The following GALNTL6 variants were observed in gnomAD, a reference collection of about 807,000 sequenced individuals.
GALNTL6 encodes polypeptide N-acetylgalactosaminyltransferase like 6, also known as polypeptide N-acetylgalactosaminyltransferase-like 6.
A neutral mutation model predicts 73.7 loss-of-function variants in GALNTL6; 46 were observed. The observed-to-expected ratio is 0.62, with a 90% CI of 0.49 to 0.80. The LOEUF (loss-of-function observed/expected upper bound fraction) is 0.80. Among genes scored for constraint, GALNTL6 ranks in the 30% least tolerant of loss-of-function variants. GALNTL6 has a pLI of 0.00. For missense variants in GALNTL6, 604 were observed against 755.0 expected (o/e 0.80, Z 2.34); for synonymous variants, 259 against 263.7 (o/e 0.98, Z 0.17).
At chr4:172,073,289 A>G (rs2110906110) in intron 2 of GALNTL6, among the ~76,000 whole-genome samples, 1 of 152,330 alleles carries the variant, frequency 6.6e-6, no homozygotes, top group East Asian at 1.9e-4. Flanking sequence ...TCCCCTATGT[A>G]TAAGCTCCTT....
At chr4:172,193,809 G>T (rs1735660826) in intron 2 of GALNTL6, among the ~76,000 whole-genome samples, 1 of 152,148 alleles carries the variant, frequency 6.6e-6, no homozygotes. Context: ...CTTGCAGTGA[G>T]CTGAGATCGG....
At chr4:172,504,175 A>AAAAAAAAAAAAAAAAAC (rs1363544210) in intron 5 of GALNTL6, among the ~76,000 whole-genome samples, 28 of 39,304 alleles carry the variant, frequency 7.1e-4, no homozygotes, top group African/African-American at 2.1e-3. Context: ...AAAAAAAAAA[A>AAAAAAAAAAAAAAAAAC]AAAACTCACA....
intron 2 of GALNTL6, among the ~76,000 whole-genome samples, chr4:172,133,420 C>G (rs555027161): frequency 6.6e-6 from 1 of 152,292 alleles, no homozygotes; most frequent in African/African-American, 2.4e-5. Flanking sequence ...ATTGTTGATT[C>G]ATTTCAACAT....
intron 5 of GALNTL6, among the ~76,000 whole-genome samples, chr4:172,560,871 C>T (rs1736326571): frequency 6.6e-6 from 1 of 152,168 alleles, no homozygotes; most frequent in Non-Finnish European, 1.5e-5. Context: ...CTCATCCCTT[C>T]TGAGCCCTAA....
chr4:172,474,588 CT>C (rs1306443880), intron 5 of GALNTL6, among the ~76,000 whole-genome samples: 1 of 152,076 alleles, frequency 6.6e-6, no homozygotes, highest in Admixed American at 6.6e-5. Flanking sequence ...TAAGATGCTT[CT>C]TTTTGGTTCA....
At chr4:172,052,402 A>G (rs1730900977) in intron 2 of GALNTL6, 2 of 1,434,356 alleles carry the variant, frequency 1.4e-6, no homozygotes, top group South Asian at 2.5e-5. Flanking sequence ...TAGTAACCAC[A>G]AGCTCCAGAT....
intron 3 of GALNTL6, among the ~76,000 whole-genome samples, chr4:172,287,270 T>G (rs2111091750): frequency 6.6e-6 from 1 of 152,306 alleles, no homozygotes; most frequent in Admixed American, 6.5e-5. Flanking sequence ...TCCAACACTC[T>G]GCCTCAGCCC....
At chr4:172,849,764 A>G (rs190680271) in intron 7 of GALNTL6, among the ~76,000 whole-genome samples, 5 of 152,326 alleles carry the variant, frequency 3.3e-5, no homozygotes, top group Admixed American at 3.3e-4. Flanking sequence ...CTAGAGGTCT[A>G]TCACAGAGAG....
At chr4:172,267,500 C>A (rs10032118) in intron 3 of GALNTL6, among the ~76,000 whole-genome samples, 19,122 of 152,006 alleles carry the variant, frequency 0.13, 1,301 homozygotes, top group East Asian at 0.3. Context: ...TAAAAGTTTA[C>A]ATCTAATTTT....
intron 7 of GALNTL6, among the ~76,000 whole-genome samples, chr4:172,814,505 C>T (rs1741492295): frequency 6.6e-6 from 1 of 152,062 alleles, no homozygotes; most frequent in African/African-American, 2.4e-5. Context: ...TATATCTATT[C>T]CTTATACTGC....
intron 2 of GALNTL6, among the ~76,000 whole-genome samples, chr4:171,862,585 C>G (rs977664822): frequency 1.3e-5 from 2 of 151,948 alleles, no homozygotes; most frequent in Non-Finnish European, 2.9e-5. Context: ...GATGAATAGA[C>G]TAGACCAAGG....
chr4:172,832,677 G>A (rs1189873508), intron 7 of GALNTL6, among the ~76,000 whole-genome samples: 1 of 152,182 alleles, frequency 6.6e-6, no homozygotes, highest in African/African-American at 2.4e-5. Flanking sequence ...AGCCTGAGGA[G>A]CAAGGGGGTC....
At chr4:172,406,416 A>C (rs1289453895) in intron 5 of GALNTL6, among the ~76,000 whole-genome samples, 1 of 152,000 alleles carries the variant, frequency 6.6e-6, no homozygotes, top group African/African-American at 2.4e-5. Context: ...GCTAACTAGA[A>C]AATTTAAATA....
At chr4:172,959,302 T>C (rs1360688257) in intron 10 of GALNTL6, among the ~76,000 whole-genome samples, 1 of 151,974 alleles carries the variant, frequency 6.6e-6, no homozygotes, top group African/African-American at 2.4e-5. Context: ...AGCCCAGGAA[T>C]AGTCAGGGAA....
intron 5 of GALNTL6, among the ~76,000 whole-genome samples, chr4:172,560,808 C>T (rs960530753): frequency 6.6e-6 from 1 of 152,112 alleles, no homozygotes; most frequent in South Asian, 2.1e-4. Context: ...TAAAATATTT[C>T]ACATATAAAT....
intron 5 of GALNTL6, among the ~76,000 whole-genome samples, chr4:172,351,181 G>GTCTATCTA (rs56948823): frequency 1.1e-4 from 13 of 122,518 alleles, no homozygotes; most frequent in African/African-American, 6.2e-5. Context: ...ACAATAATCT[G>GTCTATCTA]TCTATCTATC....
intron 4 of GALNTL6, among the ~76,000 whole-genome samples, chr4:172,343,207 G>T (rs747407256): frequency 2.0e-5 from 3 of 152,148 alleles, no homozygotes; most frequent in African/African-American, 7.2e-5. Context: ...ATGATCTAAA[G>T]ATTGAAATAT....
chr4:172,283,181 A>C (rs1244448836), intron 3 of GALNTL6, among the ~76,000 whole-genome samples: 2 of 152,212 alleles, frequency 1.3e-5, no homozygotes, highest in African/African-American at 4.8e-5. Context: ...TAAACACATG[A>C]GTGAGACAAA....
intron 2 of GALNTL6, among the ~76,000 whole-genome samples, chr4:171,905,637 G>C (rs1425633706): frequency 6.7e-6 from 1 of 150,036 alleles, no homozygotes; most frequent in Non-Finnish European, 1.5e-5. Flanking sequence ...TCTGCACCAA[G>C]TGGACCTAAT....
Sources: allele counts gnomAD v4.1 joint callset (sites outside exome capture counted in the v4.1 genomes callset), GRCh38; gene constraint gnomAD v4.1.1; transcripts MANE v1.5; gene names NCBI Gene and HGNC (gene_info 2026-07-23, HGNC 2026-07-21).